The following PCDHGA12 variants were observed in gnomAD, a reference collection of about 807,000 sequenced individuals.
PCDHGA12 encodes the protein protocadherin gamma subfamily A, 12.
In PCDHGA12, 43 loss-of-function variants were observed where a neutral mutation model predicts 61.1. The ratio of observed to expected loss-of-function variants is 0.70; its 90% CI spans 0.55 to 0.91. The LOEUF (loss-of-function observed/expected upper bound fraction) is 0.91, where lower values mean the gene tolerates loss of function less well. Ranked by LOEUF, PCDHGA12 falls within the 40% of genes least tolerant of loss-of-function variation. The pLI is 0.00. For synonymous variants in PCDHGA12, 520 were observed against 542.9 expected, an observed-to-expected ratio of 0.96 and a Z score of 0.59; for missense variants, 1,236 against 1,227.7, an observed-to-expected ratio of 1.01 and a Z score of -0.10.
At chr5:141,455,899 ATTTATTT>A (rs1441561749) in intron 1 of PCDHGA12, among the ~76,000 whole-genome samples, 5 of 148,258 alleles carry the variant, frequency 3.4e-5, no homozygotes, top group African/African-American at 1.2e-4. Context: ...TTATTTATTT[ATTTATTT>A]ATTTATTTTG....
chr5:141,494,784 C>T, intron 1 of PCDHGA12, 23 bp from the exon 2 acceptor site: 1 of 1,614,110 alleles, frequency 6.2e-7, no homozygotes, highest in Non-Finnish European at 8.5e-7. Flanking sequence ...TACTCAGCCC[C>T]TTTCCCTCTG....
chr5:141,466,822 G>A (rs1396286898), intron 1 of PCDHGA12, among the ~76,000 whole-genome samples: 4 of 152,046 alleles, frequency 2.6e-5, no homozygotes. Flanking sequence ...GGTATAACAA[G>A]TTAGTATGGG....
At chr5:141,498,863 G>A (rs1311199561) in intron 2 of PCDHGA12, among the ~76,000 whole-genome samples, 2 of 151,466 alleles carry the variant, frequency 1.3e-5, no homozygotes, top group South Asian at 2.1e-4. Context: ...AACCCAGGAG[G>A]CGGAGGTTGC....
chr5:141,439,579 G>A (rs980322898), intron 1 of PCDHGA12, among the ~76,000 whole-genome samples: 6 of 152,148 alleles, frequency 3.9e-5, no homozygotes, highest in African/African-American at 1.4e-4. Context: ...GGGACTCAGA[G>A]TGCCACTGTT....
chr5:141,490,576 G>T lies in PCDHGA12; in HGVS notation c.2425-4231G>T. On this transcript the variant is annotated intron_variant, in intron 1 of 3. Transcript: ENST00000252085. The surrounding 1 kb of genome is among the most constrained non-coding windows in gnomAD (Gnocchi z 5.4). ...TCTCACCATCAGGCTCAACATTTCA[G>T]ATGTCAATGACAATGCACCCCGCTT... 2.5e-6 allele frequency: 4 copies of T among 1,614,134 alleles called. No homozygotes were observed. The highest frequency in any genetic ancestry group is 3.4e-6 in the Non-Finnish European group (4 of 1,180,030).
chr5:141,461,921 T>G (rs2099026403), intron 1 of PCDHGA12, among the ~76,000 whole-genome samples: 1 of 152,222 alleles, frequency 6.6e-6, no homozygotes, highest in Non-Finnish European at 1.5e-5. Flanking sequence ...CCTCCTGGGT[T>G]CCAGCAATTC....
Position 141,490,683 on chromosome 5 carries a change from A to C in PCDHGA12, c.2425-4124A>C, listed in dbSNP as rs766019662. 6 of 1,614,088 alleles carry C rather than the reference A, an allele frequency of 3.7e-6. No homozygotes were observed. The highest frequency in any genetic ancestry group is 5.1e-6 in the Non-Finnish European group (6 of 1,180,034). On this transcript the variant is annotated intron_variant, in intron 1 of 3. Transcript: ENST00000252085. The surrounding 1 kb of genome is among the most constrained non-coding windows in gnomAD (Gnocchi z 5.4). ...TTTGCACTGTGGCTGCCTCAGATCCAGACACTGGGGATAATGCCCGCCTCA... is the reference window on the plus strand; with the variant it reads ...TTTGCACTGTGGCTGCCTCAGATCCCGACACTGGGGATAATGCCCGCCTCA...
At chr5:141,484,501 A>G (rs1185523120) in intron 1 of PCDHGA12, among the ~76,000 whole-genome samples, 2 of 152,232 alleles carry the variant, frequency 1.3e-5, no homozygotes, top group African/African-American at 4.8e-5. Flanking sequence ...GTTTCTGAAT[A>G]TTCTGCAGAA....
In PCDHGA12 at chr5:141,485,798, C is replaced by T. The variant is rs764109672; in HGVS notation, c.2425-9009C>T. The T allele has an allele frequency of 2.0e-5, 32 of 1,614,172 alleles. No individual in the cohort carries two copies. The highest frequency in any genetic ancestry group is 1.1e-4 in the East Asian group (5 of 44,876). ...GGATCGAGAGAAGCAATCGGACTAC[C>T]GCCTGGTGCTGACTGCTGTCGATGG... is the stretch of plus-strand genomic sequence containing the variant. On this transcript the variant is annotated intron_variant, in intron 1 of 3. Coordinates refer to ENST00000252085, the MANE Select transcript of PCDHGA12 (RefSeq NM_003735.3). The surrounding 1 kb of genome is among the most constrained non-coding windows in gnomAD (Gnocchi z 5.7).
Position 141,485,411 on chromosome 5 carries a change from G to C in PCDHGA12, c.2425-9396G>C, listed in dbSNP as rs1412397411. On this transcript the variant is annotated intron_variant, in intron 1 of 3. Coordinates refer to ENST00000252085, the MANE Select transcript of PCDHGA12 (RefSeq NM_003735.3). This position sits in a 1 kb window ranked among gnomAD's most constrained non-coding sequence, Gnocchi z 5.7. The stretch of plus-strand genomic sequence containing the variant: ...CCAAAGACACTTCCGTGTGGATTTG[G>C]ACAGCGGAGCCCTGCTCATCAAGAA... The C allele has an allele frequency of 2.5e-6, 4 of 1,614,054 alleles. No homozygotes were observed. Among genetic ancestry groups the C allele is most frequent in the Non-Finnish European group, 3.4e-6 (4 of 1,180,044 alleles).
chr5:141,455,798 T>TA (rs2098831882), intron 1 of PCDHGA12, among the ~76,000 whole-genome samples: 1 of 152,036 alleles, frequency 6.6e-6, no homozygotes, highest in African/African-American at 2.4e-5. Flanking sequence ...GGAGATGCTT[T>TA]AAAAAATGAA....
In PCDHGA12 at chr5:141,510,976, G is replaced by A. The variant is rs752758180; in HGVS notation, c.2602G>A (p.Gly868Arg). The change falls in exon 4 of 4, where the codon GGG (glycine) becomes AGG (arginine). Residue 868 changes from glycine to arginine, a missense_variant. Gly to Arg is a moderately radical substitution (Grantham distance 125, BLOSUM62 -2). Transcript: ENST00000252085. ...EAADGSSTLG[G>R]GAGTMGLSAR... ...TGCTGATGGGAGCTCCACCCTGGGA[G>A]GGGGTGCCGGCACCATGGGATTGAG... The A allele has an allele frequency of 5.0e-6, 8 of 1,614,046 alleles. No individual in the cohort carries two copies. The highest frequency in any genetic ancestry group is 6.8e-6 in the Non-Finnish European group (8 of 1,180,022).
intron 1 of PCDHGA12, among the ~76,000 whole-genome samples, chr5:141,437,246 C>A (rs897787623): frequency 6.6e-6 from 1 of 152,144 alleles, no homozygotes; most frequent in Non-Finnish European, 1.5e-5. Context: ...CAAGGACTTT[C>A]CTTGTCTTTT....
At chr5:141,449,588 CAAAAAAA>C (rs768743917) in intron 1 of PCDHGA12, among the ~76,000 whole-genome samples, 5 of 57,506 alleles carry the variant, frequency 8.7e-5, no homozygotes, top group Admixed American at 3.6e-4. Flanking sequence ...GACTCTGTCT[CAAAAAAA>C]AAAAAAAAAA....
In PCDHGA12 at chr5:141,432,059, A is replaced by G. The variant is rs752124614; in HGVS notation, c.1300A>G (p.Thr434Ala). The stretch of plus-strand genomic sequence containing the variant: ...TGACCGGGGAACCCCGCCCCTATCC[A>G]CGGAAACTCATATCTCGCTGAACGT... Reference protein sequence around the residue: ...ATDRGTPPLSTETHISLNVAD... With the variant: ...ATDRGTPPLSAETHISLNVAD... The change falls in exon 1 of 4, where the codon ACG (threonine) becomes GCG (alanine). Residue 434 changes from threonine (T) to alanine (A), a missense_variant. By Grantham distance (58) the Thr-to-Ala change is moderately conservative. Coordinates refer to ENST00000252085, the MANE Select transcript of PCDHGA12 (RefSeq NM_003735.3). The surrounding 1 kb of genome is among the most constrained non-coding windows in gnomAD (Gnocchi z 6.0). 17 of 1,614,052 alleles carry G rather than the reference A, an allele frequency of 1.1e-5. No individual in the cohort carries two copies. The highest frequency in any genetic ancestry group is 1.3e-5 in the African/African-American group (1 of 74,918).
At position 141,505,413 on chromosome 5, in the gene PCDHGA12, C is replaced by A; in HGVS notation, c.2504C>A (p.Thr835Asn). ...CCCAGCTCCCAAAATGGCGATGACACCGGCACCTGGCCCAACAACCAGTTT... is the reference window on the plus strand; with the variant it reads ...CCCAGCTCCCAAAATGGCGATGACAACGGCACCTGGCCCAACAACCAGTTT... ...GTSGSQNGDD[T>N]GTWPNNQFDT... Residue 835 changes from threonine to asparagine, a missense_variant, in exon 3 of 4, where the codon ACC becomes AAC. Physicochemically the swap from Thr to Asn is moderately conservative, Grantham distance 65 (BLOSUM62 0). Coordinates refer to ENST00000252085, the MANE Select transcript of PCDHGA12 (RefSeq NM_003735.3). 1 of 1,614,202 alleles carries A rather than the reference C, an allele frequency of 6.2e-7. No homozygotes were observed. Among genetic ancestry groups the A allele is most frequent in the Non-Finnish European group, 8.5e-7 (1 of 1,180,046 alleles).
At chr5:141,458,103 T>TA (rs1401283935) in intron 1 of PCDHGA12, among the ~76,000 whole-genome samples, 2 of 152,212 alleles carry the variant, frequency 1.3e-5, no homozygotes, top group Non-Finnish European at 2.9e-5. Context: ...TACTTACAGA[T>TA]AGTCTCCAAA....
intron 1 of PCDHGA12, chr5:141,441,448 A>T (rs1415765869): frequency 1.2e-5 from 2 of 161,528 alleles, no homozygotes; most frequent in Non-Finnish European, 2.7e-5. Context: ...CAGCCCAAGC[A>T]TCACCCTACT....
intron 1 of PCDHGA12, among the ~76,000 whole-genome samples, chr5:141,480,796 C>G (rs1007525949): frequency 2.6e-5 from 4 of 152,074 alleles, no homozygotes; most frequent in African/African-American, 7.2e-5. Flanking sequence ...ATTTGAAAAC[C>G]ACAGCTTTGG....
Sources: gnomAD v4.1 joint callset for allele counts (sites outside exome capture counted in the v4.1 genomes callset) on GRCh38, gnomAD v4.1.1 for gene constraint, Gnocchi (gnomAD v3.1) non-coding constraint, MANE v1.5 for transcripts, NCBI Gene and HGNC (gene_info 2026-07-23, HGNC 2026-07-21) for gene names.